Variants in CROCC observed in about 807,000 individuals in gnomAD.
The protein encoded by CROCC is ciliary rootlet coiled-coil, rootletin.
Under a neutral mutation model 245.2 loss-of-function variants are expected in CROCC, and 180 were observed. The ratio of observed to expected loss-of-function variants is 0.73; its 90% CI spans 0.65 to 0.83. The LOEUF (loss-of-function observed/expected upper bound fraction) is 0.83, where lower values mean the gene tolerates loss of function less well. CROCC is among the 40% of genes least tolerant of loss of function. CROCC has a pLI of 0.00. For synonymous variants in CROCC, 1,205 were observed against 1,241.6 expected (o/e 0.97, Z 0.62); for missense variants, 2,688 against 2,779.4 (o/e 0.97, Z 0.74).
intron 27 of CROCC, 128 bp downstream of exon 27, chr1:16,961,258 C>G: frequency 1.1e-6 from 1 of 922,472 alleles, no homozygotes; most frequent in Non-Finnish European, 1.4e-6. Context: ...CACCTCTCCA[C>G]TGAGGTCCAC....
intron 36 of CROCC, among the ~76,000 whole-genome samples, 165 bp from the exon 37 acceptor site, chr1:16,972,195 T>C (rs1172664139): frequency 2.0e-5 from 3 of 152,282 alleles, no homozygotes; most frequent in Non-Finnish European, 4.4e-5. Flanking sequence ...CGCCTGACTC[T>C]GCTATAAGGA....
rs1485823347 is a variant in CROCC at position 16,970,613 on chromosome 1, TCTC to T, written c.5653-20_5653-18del. 2.0e-6 allele frequency: 3 copies of T among 1,516,222 alleles called. No individual in the cohort carries two copies. Among genetic ancestry groups the T allele is most frequent in the Non-Finnish European group, 1.8e-6 (2 of 1,130,268 alleles). 93.9% of individuals were successfully genotyped at this position (1,516,222 alleles called of 1,614,324 possible). On this transcript the variant is annotated intron_variant, in intron 34 of 36. Coordinates refer to ENST00000375541, the MANE Select transcript of CROCC (RefSeq NM_014675.5). The stretch of plus-strand genomic sequence containing the variant: ...CAGTAAGCTCCTCCTGGCACCCTGA[TCTC>T]CTGTGGCTCTCCTGCCTAGGTGGAG...
rs2076231457 is a variant in CROCC at position 16,955,301 on chromosome 1, T to C, written c.3466-11T>C. On this transcript the variant is annotated splice_polypyrimidine_tract_variant and intron_variant, in intron 23 of 36. Coordinates refer to ENST00000375541, the MANE Select transcript of CROCC (RefSeq NM_014675.5). ...TGACCGCTGCCCTGGGGACACCTGCTGTGCTCACAGGCAGAAGAGCTTCGG... is the reference window on the plus strand; with the variant it reads ...TGACCGCTGCCCTGGGGACACCTGCCGTGCTCACAGGCAGAAGAGCTTCGG... 3 of 1,605,776 alleles carry C rather than the reference T, an allele frequency of 1.9e-6. No homozygotes were observed. The highest frequency in any genetic ancestry group is 2.5e-6 in the Non-Finnish European group (3 of 1,179,020).
Position 16,971,551 on chromosome 1 carries a change from G to T in CROCC, c.5871G>T (p.Glu1957Asp). 1 of 1,536,808 alleles carries T rather than the reference G, an allele frequency of 6.5e-7. No homozygotes were observed. The change falls in exon 36 of 37, where the codon GAG becomes GAT. Residue 1957 changes from glutamate to aspartate, a missense_variant. Transcript: ENST00000375541. Reference protein sequence around the residue: ...AQQQQLELQQEVERLRSAQAQ... With the variant: ...AQQQQLELQQDVERLRSAQAQ... ...AGCAGCAGCTGGAGCTGCAGCAGGA[G>T]GTGGAGCGGCTGCGCAGCGCCCAGG...
chr1:16,966,285 A>G lies in CROCC; in HGVS notation c.4697-123A>G. 1 of 1,426,194 alleles carries G rather than the reference A, an allele frequency of 7.0e-7. No individual in the cohort carries two copies. The highest frequency in any genetic ancestry group is 9.3e-7 in the Non-Finnish European group (1 of 1,079,292). 88.3% of individuals were successfully genotyped at this position (1,426,194 alleles called of 1,614,324 possible). On this transcript the variant is annotated intron_variant, in intron 29 of 36. Transcript: ENST00000375541. This position sits in a 1 kb window ranked among gnomAD's most constrained non-coding sequence, Gnocchi z 4.8. ...GCCTCACCTGTGTGCAGGCCCGCAT[A>G]CTACGAAGGGTGCAGACAGTCTGGC...
chr1:16,961,502 C>T (rs1445001501), intron 27 of CROCC, among the ~76,000 whole-genome samples: 1 of 151,898 alleles, frequency 6.6e-6, no homozygotes, highest in African/African-American at 2.4e-5. Flanking sequence ...AAACTCCTGG[C>T]CTCAAGCGAT....
At chr1:16,970,854 C>T in intron 35 of CROCC, 87 bp downstream of exon 35, 2 of 1,423,756 alleles carry the variant, frequency 1.4e-6, no homozygotes, top group Non-Finnish European at 9.2e-7. Context: ...CCAGCCAGCC[C>T]AGGGCCCATA....
intron 17 of CROCC, 118 bp from the exon 18 acceptor site, chr1:16,948,213 C>A: frequency 2.8e-6 from 4 of 1,432,088 alleles, no homozygotes; most frequent in East Asian, 2.5e-5. Context: ...TCAGGGCAGA[C>A]CCTGGGCTCA....
At position 16,961,115 on chromosome 1, in the gene CROCC, GACGC is replaced by G; in HGVS notation, c.4393_4396del (p.Ala1465ProfsTer15). The G allele has an allele frequency of 2.2e-6, 3 of 1,355,044 alleles. No homozygotes were observed. The highest frequency in any genetic ancestry group is 2.8e-6 in the Non-Finnish European group (3 of 1,058,696). The allele number at this position is 1,355,044 out of a possible 1,614,324, so 83.9% of individuals were successfully genotyped here. ...GCCAGTGCCCGGTTCCCCTGCCCGG[GACGC>G]ACCCGCAGAAGGTAAGGGCAGTGCC... On this transcript the variant is annotated frameshift_variant, in exon 27 of 37. Transcript: ENST00000375541. LOFTEE classifies it high-confidence loss of function.
intron 35 of CROCC, 106 bp downstream of exon 35, chr1:16,970,873 C>T: frequency 7.5e-7 from 1 of 1,329,196 alleles, no homozygotes; most frequent in Non-Finnish European, 9.9e-7. Flanking sequence ...TAACCCCCTC[C>T]CCCAGGAGCC....
Position 16,930,477 on chromosome 1 carries a change from C to A in CROCC, c.732C>A (p.Asp244Glu), listed in dbSNP as rs1455536807. 2.5e-6 allele frequency: 4 copies of A among 1,612,386 alleles called. No homozygotes were observed. The highest frequency in any genetic ancestry group is 2.5e-6 in the Non-Finnish European group (3 of 1,179,868). ...QVNAMLREQL[D>E]QAGSANQALS... ...ATGCCATGCTCCGAGAACAGCTGGA[C>A]CAGGCAGGCTCGGCCAACCAGGCTC... Residue 244 changes from aspartate (D) to glutamate (E), a missense_variant, in exon 7 of 37, where the codon GAC becomes GAA. By Grantham distance (45) the Asp-to-Glu change is conservative. This residue lies in a region of CROCC where 972 missense variants were observed against 895.3 expected (regional missense o/e 1.09). Transcript: ENST00000375541.
At chr1:16,967,448 C>T (rs954351037) in intron 30 of CROCC, among the ~76,000 whole-genome samples, 2 of 152,170 alleles carry the variant, frequency 1.3e-5, no homozygotes, top group East Asian at 1.9e-4. Context: ...GTTGTGTCTG[C>T]GGCTTCAACC....
intron 11 of CROCC, 58 bp downstream of exon 11, chr1:16,938,541 G>T (rs1294302615): frequency 6.8e-7 from 1 of 1,471,334 alleles, no homozygotes; most frequent in Non-Finnish European, 9.3e-7. Flanking sequence ...AGGCTCCCCC[G>T]CCACGTCTTT....
chr1:16,938,657 G>C (rs1182782369), intron 11 of CROCC, among the ~76,000 whole-genome samples, 174 bp downstream of exon 11: 1 of 152,296 alleles, frequency 6.6e-6, no homozygotes, highest in Non-Finnish European at 1.5e-5. Flanking sequence ...GGAGCCCCCA[G>C]TCTCAGAGGG....
At position 16,961,049 on chromosome 1, in the gene CROCC, CG is replaced by C. The variant is rs1220755925; in HGVS notation, c.4328del (p.Gly1443AlafsTer38). ...QLGGLRSALR[R>X]GLGLGRAPSP... is the part of the protein sequence containing the mutation. ...GGGTGGCCTGCGCTCGGCTCTGCGC[CG>C]GGGCCTCGGCCTCGGTCGCGCGCCC... On this transcript the variant is annotated frameshift_variant, in exon 27 of 37. Coordinates refer to ENST00000375541, the MANE Select transcript of CROCC (RefSeq NM_014675.5). LOFTEE classifies it high-confidence loss of function. The C allele has an allele frequency of 5.2e-6, 7 of 1,333,630 alleles. No individual in the cohort carries two copies. The highest frequency in any genetic ancestry group is 3.9e-5 in the Admixed American group (1 of 25,658). The allele number at this position is 1,333,630 out of a possible 1,614,324, so 82.6% of individuals were successfully genotyped here.
chr1:16,968,164 G>A, intron 30 of CROCC, 39 bp from the exon 31 acceptor site: 1 of 1,537,974 alleles, frequency 6.5e-7, no homozygotes, highest in Non-Finnish European at 8.8e-7. Context: ...GCTGCGGGGT[G>A]CACTGGACGT....
chr1:16,933,415 C>A (rs1441111271), intron 8 of CROCC, among the ~76,000 whole-genome samples: 1 of 152,214 alleles, frequency 6.6e-6, no homozygotes, highest in Non-Finnish European at 1.5e-5. Context: ...TTCAGTGAGC[C>A]GAGATAACAC....
chr1:16,954,722 C>T lies in CROCC; in HGVS notation c.3322-12C>T, dbSNP rs957471425. 4 of 1,544,460 alleles carry T rather than the reference C, an allele frequency of 2.6e-6. No individual in the cohort carries two copies. In the Admixed American group the frequency reaches 5.8e-5, roughly 23 times the overall value. The stretch of plus-strand genomic sequence containing the variant: ...ACAGCAGGACCAAGTCTGAGGAGCC[C>T]CTCTGTCCCAGAGCACCGTGAACGC... On this transcript the variant is annotated splice_polypyrimidine_tract_variant and intron_variant, in intron 22 of 36. Coordinates refer to ENST00000375541, the MANE Select transcript of CROCC (RefSeq NM_014675.5). This position sits in a 1 kb window ranked among gnomAD's most constrained non-coding sequence, Gnocchi z 4.4.
chr1:16,917,229 C>T (rs1346698957), upstream of CROCC, among the ~76,000 whole-genome samples: 12 of 152,422 alleles, frequency 7.9e-5, no homozygotes, highest in Admixed American at 7.2e-4. Context: ...TATTTAACTT[C>T]GCTGAGACTT....
Sources: gnomAD v4.1 joint callset for allele counts (sites outside exome capture counted in the v4.1 genomes callset) on GRCh38, gnomAD v4.1.1 for gene constraint, gnomAD v4.1.1 regional missense constraint, Gnocchi (gnomAD v3.1) non-coding constraint, MANE v1.5 for transcripts, NCBI Gene and HGNC (gene_info 2026-07-23, HGNC 2026-07-21) for gene names.